Variants in C13orf46 observed in about 807,000 individuals in gnomAD.
The protein encoded by C13orf46 is uncharacterized protein C13orf46.
At chr13:113,931,947 C>T in the C13orf46 span, among the ~76,000 whole-genome samples, 1 of 152,146 alleles carries the variant, frequency 6.6e-6, no homozygotes, top group Non-Finnish European at 1.5e-5. Context: ...GCCCCTGCCC[C>T]GTCCCTCCAC....
Position 113,965,755 on chromosome 13 carries a change from GTGA to G in C13orf46, c.505-764_505-762del, listed in dbSNP as rs1242931894. Among the ~76,000 whole-genome samples, 6 of 32,484 alleles carry G rather than the reference GTGA, an allele frequency of 1.8e-4. 1 individual carries two copies. Among genetic ancestry groups the G allele is most frequent in the African/African-American group, 1.2e-3 (5 of 4,044 alleles). The allele number at this position is 32,484 out of a possible 152,430, so 21.3% of individuals were successfully genotyped here. A position where few individuals can be genotyped will look rare whatever the true frequency, so the allele number is the denominator to read the frequency against. On this transcript the variant is annotated intron_variant, in intron 5 of 6. Coordinates refer to ENST00000636427, the MANE Select transcript of C13orf46 (RefSeq NM_001365455.2). The stretch of plus-strand genomic sequence containing the variant: ...GGTGAAGGTGATGATGGTGATGATG[GTGA>G]TGGTGATGATGGTGATGGTGATGAT...
At chr13:113,965,937 G>A (rs941666384) in intron 5 of C13orf46, among the ~76,000 whole-genome samples, 16 of 140,604 alleles carry the variant, frequency 1.1e-4, no homozygotes, top group Non-Finnish European at 2.2e-4. Context: ...TGATGATTAT[G>A]ATGGTGATGA....
intron 1 of C13orf46, among the ~76,000 whole-genome samples, chr13:113,971,867 C>T (rs1436073518): frequency 6.6e-6 from 1 of 152,358 alleles, no homozygotes; most frequent in African/African-American, 2.4e-5. Context: ...GGAAATGCCT[C>T]CTGCTCTTCT....
chr13:113,950,943 T>C (rs1223264981), downstream of C13orf46, among the ~76,000 whole-genome samples: 3 of 152,166 alleles, frequency 2.0e-5, no homozygotes, highest in East Asian at 5.8e-4. Flanking sequence ...CTGGCGAGGC[T>C]TGGGAAGGCC....
chr13:113,941,500 G>A, the C13orf46 span, among the ~76,000 whole-genome samples: 8 of 150,704 alleles, frequency 5.3e-5, no homozygotes, highest in Admixed American at 3.3e-4. Context: ...CTGAGCGTTC[G>A]AGACCCTGAT....
At chr13:113,967,188 G>C (rs2052658395) in intron 5 of C13orf46, among the ~76,000 whole-genome samples, 153 bp downstream of exon 5, 1 of 152,208 alleles carries the variant, frequency 6.6e-6, no homozygotes, top group Non-Finnish European at 1.5e-5. Context: ...AGCTCTCCTG[G>C]AGCTGCTGGC....
At chr13:113,940,532 CG>C in the C13orf46 span, among the ~76,000 whole-genome samples, 3 of 129,540 alleles carry the variant, frequency 2.3e-5, no homozygotes, top group Admixed American at 1.5e-4. Context: ...GCTGAGCGTT[CG>C]AGACCCTGGT....
chr13:113,969,310 T>C (rs1330687851), intron 2 of C13orf46, among the ~76,000 whole-genome samples: 1 of 152,238 alleles, frequency 6.6e-6, no homozygotes, highest in African/African-American at 2.4e-5. Context: ...GCCGAGGGTA[T>C]TGACTGACTT....
the C13orf46 span, among the ~76,000 whole-genome samples, chr13:113,940,162 A>T: frequency 1.3e-5 from 2 of 152,178 alleles, no homozygotes; most frequent in African/African-American, 2.4e-5. Flanking sequence ...CGTCAGCCGC[A>T]TTTGGCTCCT....
At chr13:113,932,538 C>T in the C13orf46 span, among the ~76,000 whole-genome samples, 111 of 152,324 alleles carry the variant, frequency 7.3e-4, no homozygotes, top group Non-Finnish European at 1.4e-3. Context: ...GGTGAAATAT[C>T]CATTCAAATA....
chr13:113,928,564 C>CCTCACGAGTGTGGGAATCTCGGGA, the C13orf46 span: 1 of 152,560 alleles, frequency 6.6e-6, no homozygotes, highest in South Asian at 2.1e-4. Context: ...CACACCCCAC[C>CCTCACGAGTGTGGGAATCTCGGGA]CTCGCTGCAT....
intron 2 of C13orf46, among the ~76,000 whole-genome samples, chr13:113,969,227 C>T (rs1331103988): frequency 3.3e-5 from 5 of 152,240 alleles, no homozygotes; most frequent in African/African-American, 1.2e-4. Context: ...GGTGTGTGGC[C>T]AGGGGCAAGA....
chr13:113,946,042 C>T, the C13orf46 span, among the ~76,000 whole-genome samples: 2 of 152,230 alleles, frequency 1.3e-5, no homozygotes, highest in African/African-American at 4.8e-5. Flanking sequence ...CACCGCTGCC[C>T]GTTCACCGTG....
chr13:113,934,845 T>G, the C13orf46 span, among the ~76,000 whole-genome samples: 1 of 152,260 alleles, frequency 6.6e-6, no homozygotes, highest in Non-Finnish European at 1.5e-5. Flanking sequence ...GCCCCAGTTA[T>G]GGTCTCCAGA....
At chr13:113,928,741 C>G in the C13orf46 span, 1 of 152,414 alleles carries the variant, frequency 6.6e-6, no homozygotes. Context: ...TGCTATAAAC[C>G]AGGAGGCCTG....
At chr13:113,973,025 G>A (rs550797483) in intron 1 of C13orf46, among the ~76,000 whole-genome samples, 4 of 152,334 alleles carry the variant, frequency 2.6e-5, no homozygotes, top group South Asian at 2.1e-4. Flanking sequence ...ACAGGGCAGC[G>A]GGAGGCAGGA....
chr13:113,972,565 C>T (rs1026730557), intron 1 of C13orf46, among the ~76,000 whole-genome samples: 41 of 152,174 alleles, frequency 2.7e-4, no homozygotes, highest in Admixed American at 2.7e-3. Flanking sequence ...GGCCAGTATT[C>T]AAGGTGTGAG....
At chr13:113,971,341 C>T (rs1482589459) in intron 1 of C13orf46, among the ~76,000 whole-genome samples, 1 of 152,240 alleles carries the variant, frequency 6.6e-6, no homozygotes, top group Non-Finnish European at 1.5e-5. Context: ...CCCACAGGCC[C>T]AAGGGGCAGC....
chr13:113,945,164 C>T, the C13orf46 span, among the ~76,000 whole-genome samples: 2 of 152,154 alleles, frequency 1.3e-5, no homozygotes, highest in African/African-American at 2.4e-5. Context: ...GTGCGTGGGC[C>T]GTTCCGGGTT....
Sources: gnomAD v4.1 joint callset for allele counts (sites outside exome capture counted in the v4.1 genomes callset) on GRCh38, gnomAD v4.1.1 for gene constraint, MANE v1.5 for transcripts, NCBI Gene and HGNC (gene_info 2026-07-23, HGNC 2026-07-21) for gene names.